Variants in PAPPA observed in about 807,000 individuals in gnomAD.
PAPPA encodes pappalysin 1.
PAPPA carries 60 observed loss-of-function variants against 164.0 expected under a neutral mutation model. The ratio of observed to expected loss-of-function variants is 0.37; its 90% confidence interval spans 0.30 to 0.45. The LOEUF is 0.45. Among genes scored for constraint, PAPPA ranks in the 20% least tolerant of loss-of-function variants. PAPPA has a pLI of 1.00. For synonymous variants in PAPPA, 875 were observed against 814.1 expected, an observed-to-expected ratio of 1.07 and a Z score of -1.27; for missense variants, 1,782 against 2,087.3, an observed-to-expected ratio of 0.85 and a Z score of 2.85.
chr9:116,204,159 A>T (rs966851853), intron 2 of PAPPA, among the ~76,000 whole-genome samples: 9 of 152,188 alleles, frequency 5.9e-5, no homozygotes, highest in African/African-American at 1.9e-4. Flanking sequence ...CGCATGAGCT[A>T]ATTGATACTC....
intron 7 of PAPPA, among the ~76,000 whole-genome samples, chr9:116,244,699 C>G (rs1844775694): frequency 6.6e-6 from 1 of 152,192 alleles, no homozygotes; most frequent in African/African-American, 2.4e-5. Flanking sequence ...AAAGGGAACC[C>G]TTATACACTT....
chr9:116,235,516 T>C lies in PAPPA; in HGVS notation c.2611T>C (p.Ser871Pro). The part of the protein sequence containing the change: ...HLEIDAAMLT[S>P]TADTPLCLQC... ...GGAGATCGATGCTGCCATGTTGACCTCCACTGCAGACACCCCACTCTGTCT... is the reference window on the plus strand; with the variant it reads ...GGAGATCGATGCTGCCATGTTGACCCCCACTGCAGACACCCCACTCTGTCT... Residue 871 changes from serine to proline, a missense_variant, in exon 7 of 22, where the codon TCC becomes CCC. Physicochemically the swap from Ser to Pro is moderately conservative, Grantham distance 74. Coordinates refer to ENST00000328252, the MANE Select transcript of PAPPA (RefSeq NM_002581.5). 1 of 1,613,628 alleles carries C rather than the reference T, an allele frequency of 6.2e-7. No homozygotes were observed. Among genetic ancestry groups the C allele is most frequent in the Non-Finnish European group, 8.5e-7 (1 of 1,180,012 alleles).
intron 7 of PAPPA, among the ~76,000 whole-genome samples, chr9:116,251,910 C>T (rs1309403070): frequency 6.6e-6 from 1 of 152,146 alleles, no homozygotes; most frequent in Non-Finnish European, 1.5e-5. Context: ...ATCTCAGGAC[C>T]GCTGTTACCT....
At chr9:116,289,963 A>C (rs1845416201) in intron 9 of PAPPA, among the ~76,000 whole-genome samples, 1 of 152,240 alleles carries the variant, frequency 6.6e-6, no homozygotes, top group African/African-American at 2.4e-5. Context: ...TTGAGCTAAG[A>C]CCTAAACAAA....
Position 116,264,539 on chromosome 9 carries a change from C to T in PAPPA, c.2733-1318C>T, listed in dbSNP as rs1845043574. On this transcript the variant is annotated intron_variant, in intron 7 of 21. Transcript: ENST00000328252. ...CATTATTGTGTTGAGAGTCTGAAGA[C>T]ATTCTCTGTCCATTGCCCCTGCACC... is the stretch of plus-strand genomic sequence containing the variant. Among the ~76,000 whole-genome samples, 4 of 152,174 alleles carry T rather than the reference C, an allele frequency of 2.6e-5. No homozygotes were observed. In the South Asian group the frequency reaches 8.3e-4, roughly 32 times the overall value.
intron 5 of PAPPA, 126 bp from the exon 6 acceptor site, chr9:116,227,305 A>T: frequency 1.0e-6 from 1 of 973,640 alleles, no homozygotes; most frequent in Non-Finnish European, 1.6e-6. Flanking sequence ...TGGCATATGT[A>T]GGCAGGAAAG....
intron 2 of PAPPA, among the ~76,000 whole-genome samples, chr9:116,201,605 A>G (rs1440643913): frequency 6.6e-6 from 1 of 151,886 alleles, no homozygotes; most frequent in Non-Finnish European, 1.5e-5. Flanking sequence ...TGAGTTGGGT[A>G]CTCTTCTAGG....
chr9:116,212,417 C>T (rs1844319742), intron 4 of PAPPA, among the ~76,000 whole-genome samples: 1 of 152,116 alleles, frequency 6.6e-6, no homozygotes, highest in African/African-American at 2.4e-5. Flanking sequence ...TTCCCTTTAG[C>T]ATGGGATACA....
At chr9:116,353,010 G>A in intron 16 of PAPPA, 94 bp downstream of exon 16, 1 of 879,912 alleles carries the variant, frequency 1.1e-6, no homozygotes. Context: ...TTTCTTCACT[G>A]GAGGTAATGA....
chr9:116,306,954 T>C (rs1386239800), intron 10 of PAPPA, among the ~76,000 whole-genome samples: 1 of 152,224 alleles, frequency 6.6e-6, no homozygotes, highest in Non-Finnish European at 1.5e-5. Context: ...CCAACCAATT[T>C]ATTTCCTTAA....
At chr9:116,331,138 G>T in intron 10 of PAPPA, 106 bp from the exon 11 acceptor site, 1 of 679,092 alleles carries the variant, frequency 1.5e-6, no homozygotes, top group Non-Finnish European at 2.5e-6. Flanking sequence ...TTTTTCCTGT[G>T]GTGCCAAGAG....
At chr9:116,206,647 G>A (rs1177333194) in intron 2 of PAPPA, among the ~76,000 whole-genome samples, 2 of 152,164 alleles carry the variant, frequency 1.3e-5, no homozygotes, top group African/African-American at 2.4e-5. Flanking sequence ...GGCCACAAGT[G>A]TGTATTATGT....
intron 18 of PAPPA, among the ~76,000 whole-genome samples, chr9:116,367,179 A>T (rs1846512005): frequency 6.6e-6 from 1 of 152,126 alleles, no homozygotes; most frequent in South Asian, 2.1e-4. Flanking sequence ...ATTTCAGGAG[A>T]TGGGATGAAC....
chr9:116,226,749 C>G (rs1362588825), intron 5 of PAPPA, among the ~76,000 whole-genome samples: 1 of 152,200 alleles, frequency 6.6e-6, no homozygotes, highest in East Asian at 1.9e-4. Context: ...CAAGACCCAA[C>G]TTGGTAGGGG....
chr9:116,362,543 T>C (rs1375330159), intron 17 of PAPPA, 49 bp from the exon 18 acceptor site: 9 of 1,576,548 alleles, frequency 5.7e-6, no homozygotes, highest in East Asian at 2.3e-5. Context: ...GCTTATTCAA[T>C]TGGGGCTGGT....
chr9:116,320,183 G>T (rs1845836514), intron 10 of PAPPA, among the ~76,000 whole-genome samples: 1 of 152,194 alleles, frequency 6.6e-6, no homozygotes, highest in Non-Finnish European at 1.5e-5. Flanking sequence ...TGAAAGCCTG[G>T]CTTTTCCTCC....
intron 1 of PAPPA, among the ~76,000 whole-genome samples, chr9:116,180,450 A>G (rs1335813231): frequency 6.6e-6 from 1 of 152,172 alleles, no homozygotes; most frequent in Non-Finnish European, 1.5e-5. Flanking sequence ...TTATCTGTCA[A>G]AAGAATACTA....
chr9:116,334,712 C>CA, intron 12 of PAPPA, 149 bp from the exon 13 acceptor site: 1 of 617,492 alleles, frequency 1.6e-6, no homozygotes, highest in South Asian at 2.0e-5. Context: ...AACTTTCAAT[C>CA]AGACTCAAAA....
At chr9:116,272,479 C>T (rs1845148538) in intron 9 of PAPPA, among the ~76,000 whole-genome samples, 1 of 152,230 alleles carries the variant, frequency 6.6e-6, no homozygotes, top group African/African-American at 2.4e-5. Flanking sequence ...GACATTCTTT[C>T]TCCCAGTAGA....
Sources: gnomAD v4.1 joint callset for allele counts (sites outside exome capture counted in the v4.1 genomes callset) on GRCh38, gnomAD v4.1.1 for gene constraint, MANE v1.5 for transcripts, NCBI Gene and HGNC (gene_info 2026-07-23, HGNC 2026-07-21) for gene names.